The following XKR6 variants were observed in gnomAD, a reference collection of about 807,000 sequenced individuals.
XKR6 encodes the protein XK-related protein 6.
In XKR6, 22 loss-of-function variants were observed where a neutral mutation model predicts 56.7. The observed-to-expected ratio is 0.39, with a 90% CI of 0.28 to 0.55. The LOEUF (loss-of-function observed/expected upper bound fraction) is 0.55, where lower values mean the gene tolerates loss of function less well. Ranked by LOEUF, XKR6 falls within the 20% of genes least tolerant of loss-of-function variation. The pLI is 0.66. For missense variants in XKR6, 852 were observed against 889.0 expected (o/e 0.96, Z 0.53); for synonymous variants, 524 against 387.8 (o/e 1.35, Z -4.13).
intron 2 of XKR6, among the ~76,000 whole-genome samples, chr8:10,901,165 C>T (rs1238028658): frequency 6.6e-6 from 1 of 151,540 alleles, no homozygotes; most frequent in East Asian, 1.9e-4. Context: ...AAGTGATTCT[C>T]CTGCCTCAGC....
At chr8:11,161,579 T>C (rs116693139) in intron 1 of XKR6, among the ~76,000 whole-genome samples, 2,423 of 152,324 alleles carry the variant, frequency 0.016, 65 homozygotes, top group African/African-American at 0.054. Context: ...CAGCAGAGCA[T>C]GATTTAGTGC....
rs371983532 is a variant in XKR6, at chr8:11,089,191, C to A, written c.764+111385G>T. Among the ~76,000 whole-genome samples, 177 of 152,172 alleles carry A rather than the reference C, an allele frequency of 1.2e-3. 4 individuals carry two copies. The South Asian group carries it at 0.035, about 30-fold the overall frequency. ...TGGAGGGCCACAAGTGGCCCACCAG[C>A]GTGTTCAGACCTTGTCTGATCTAGA... On this transcript the variant is annotated intron_variant, in intron 1 of 2. Coordinates refer to ENST00000416569, the MANE Select transcript of XKR6 (RefSeq NM_173683.4).
At chr8:10,912,439 A>G (rs1800418120) in intron 2 of XKR6, among the ~76,000 whole-genome samples, 1 of 106,822 alleles carries the variant, frequency 9.4e-6, no homozygotes, top group South Asian at 3.6e-4. Context: ...GAGAGACGAT[A>G]GGTGAGTGTA....
intron 1 of XKR6, among the ~76,000 whole-genome samples, chr8:11,197,216 G>C (rs773621268): frequency 1.3e-5 from 2 of 152,180 alleles, no homozygotes; most frequent in Non-Finnish European, 2.9e-5. Flanking sequence ...CTCTGAAATA[G>C]AAGGGTGCAA....
At chr8:11,144,439 C>T (rs551352503) in intron 1 of XKR6, among the ~76,000 whole-genome samples, 1 of 151,356 alleles carries the variant, frequency 6.6e-6, no homozygotes, top group South Asian at 2.1e-4. Context: ...AGTCGAGAAG[C>T]AGGAAGTAGA....
intron 1 of XKR6, among the ~76,000 whole-genome samples, chr8:11,029,053 TTAGGACACCA>T (rs1230476986): frequency 5.9e-5 from 9 of 152,188 alleles, no homozygotes; most frequent in Admixed American, 2.0e-4. Context: ...GCCTCACCTG[TTAGGACACCA>T]GTGATGCTGG....
At chr8:11,024,204 GGTGTGTGTGTGT>G (rs61021720) in intron 1 of XKR6, among the ~76,000 whole-genome samples, 6,764 of 136,864 alleles carry the variant, frequency 0.049, 197 homozygotes, top group Middle Eastern at 0.084. Flanking sequence ...CCTGTTAGGA[GGTGTGTGTGTGT>G]GTGTGTGTGT....
chr8:10,948,388 G>C (rs1801613514), intron 1 of XKR6, among the ~76,000 whole-genome samples: 1 of 152,162 alleles, frequency 6.6e-6, no homozygotes, highest in African/African-American at 2.4e-5. Context: ...TTAGGCTCTT[G>C]AAACCTCTGC....
chr8:11,092,872 G>A (rs1798121958), intron 1 of XKR6, among the ~76,000 whole-genome samples: 1 of 152,258 alleles, frequency 6.6e-6, no homozygotes, highest in Non-Finnish European at 1.5e-5. Context: ...CAGTCAGTCC[G>A]CCTCATCTTA....
intron 1 of XKR6, chr8:11,108,400 A>C (rs1229838434): frequency 2.2e-6 from 1 of 444,926 alleles, no homozygotes; most frequent in Non-Finnish European, 4.5e-6. Context: ...CCCAAGACAT[A>C]AGAAAAAGTC....
chr8:10,942,788 C>T (rs980160325), intron 1 of XKR6, among the ~76,000 whole-genome samples: 5 of 152,244 alleles, frequency 3.3e-5, no homozygotes, highest in African/African-American at 4.8e-5. Flanking sequence ...CGCTACAACC[C>T]CTTCCCTTAT....
chr8:11,049,516 G>A (rs1269698561), intron 1 of XKR6, among the ~76,000 whole-genome samples: 1 of 152,196 alleles, frequency 6.6e-6, no homozygotes, highest in Non-Finnish European at 1.5e-5. Flanking sequence ...CCTACCAAGA[G>A]CTGAAGACCC....
intron 1 of XKR6, among the ~76,000 whole-genome samples, chr8:11,015,798 G>T (rs1172437968): frequency 6.6e-6 from 1 of 152,166 alleles, no homozygotes; most frequent in African/African-American, 2.4e-5. Flanking sequence ...GAAACCGAGA[G>T]GAATTGAGGG....
intron 1 of XKR6, among the ~76,000 whole-genome samples, chr8:11,126,802 G>A (rs962400057): frequency 6.6e-6 from 1 of 152,168 alleles, no homozygotes. Flanking sequence ...ACCAGGAGAT[G>A]TTAGAATCCT....
intron 1 of XKR6, among the ~76,000 whole-genome samples, chr8:11,148,720 T>C (rs1801118334): frequency 6.6e-6 from 1 of 152,222 alleles, no homozygotes; most frequent in Admixed American, 6.5e-5. Context: ...CAAAGACTTG[T>C]ACACAAATGT....
At chr8:11,068,404 T>A (rs539649092) in intron 1 of XKR6, among the ~76,000 whole-genome samples, 1 of 152,300 alleles carries the variant, frequency 6.6e-6, no homozygotes, top group Admixed American at 6.5e-5. Context: ...CCTGCCCAAA[T>A]GCCATTAGTG....
chr8:11,059,859 C>T (rs1470250147), intron 1 of XKR6, among the ~76,000 whole-genome samples: 2 of 152,102 alleles, frequency 1.3e-5, no homozygotes, highest in Non-Finnish European at 2.9e-5. Context: ...AGGGAGGTGG[C>T]GCGCAGGGTG....
At chr8:11,109,745 C>T (rs981664681) in intron 1 of XKR6, 2 of 152,162 alleles carry the variant, frequency 1.3e-5, no homozygotes, top group African/African-American at 4.8e-5. Context: ...CCAGTAGGGA[C>T]CAAGTTTTCT....
chr8:11,053,575 A>C (rs28447601), intron 1 of XKR6, among the ~76,000 whole-genome samples: 50,750 of 152,076 alleles, frequency 0.33, 9,719 homozygotes, highest in African/African-American at 0.53. Flanking sequence ...TCCTGCACCC[A>C]CTTCCTGACT....
Sources: allele counts gnomAD v4.1 joint callset (sites outside exome capture counted in the v4.1 genomes callset), GRCh38; gene constraint gnomAD v4.1.1; transcripts MANE v1.5; gene names NCBI Gene and HGNC (gene_info 2026-07-23, HGNC 2026-07-21).